The following ESR2 variants were observed in gnomAD, a reference collection of about 807,000 sequenced individuals.
ESR2 encodes the protein estrogen receptor beta.
Under a neutral mutation model 49.6 loss-of-function variants are expected in ESR2, and 36 were observed. That is an observed-to-expected ratio of 0.73 (90% CI 0.56 to 0.96). The LOEUF (loss-of-function observed/expected upper bound fraction) is 0.96, where lower values mean the gene tolerates loss of function less well. Ranked by LOEUF, ESR2 falls within the 40% of genes least tolerant of loss-of-function variation. ESR2 has a pLI of 0.00. For missense variants in ESR2, 714 were observed against 693.0 expected, an observed-to-expected ratio of 1.03 and a Z score of -0.34; for synonymous variants, 320 against 266.1, an observed-to-expected ratio of 1.20 and a Z score of -1.97.
At chr14:64,313,151 A>G (rs1395100310) in intron 1 of ESR2, among the ~76,000 whole-genome samples, 3 of 152,186 alleles carry the variant, frequency 2.0e-5, no homozygotes, top group Non-Finnish European at 4.4e-5. Flanking sequence ...ATAATAACAA[A>G]AGGATCAATC....
downstream of ESR2, chr14:64,227,587 G>C: frequency 1.2e-6 from 2 of 1,614,204 alleles, no homozygotes; most frequent in Non-Finnish European, 1.7e-6. Flanking sequence ...TTCCAAATGA[G>C]GTGAGTGTTT....
At chr14:64,236,275 T>G (rs1013772700) in intron 7 of ESR2, among the ~76,000 whole-genome samples, 3 of 152,158 alleles carry the variant, frequency 2.0e-5, no homozygotes, top group African/African-American at 7.2e-5. Flanking sequence ...ATTTAAAATA[T>G]TCATCTTTTC....
intron 2 of ESR2, among the ~76,000 whole-genome samples, chr14:64,281,145 G>C (rs1342061968): frequency 6.6e-6 from 1 of 152,116 alleles, no homozygotes; most frequent in African/African-American, 2.4e-5. Flanking sequence ...AGAAGAGAGA[G>C]AACAAGCAAG....
At chr14:64,263,289 AATT>A (rs886339682) in intron 4 of ESR2, among the ~76,000 whole-genome samples, 1 of 152,186 alleles carries the variant, frequency 6.6e-6, no homozygotes, top group Non-Finnish European at 1.5e-5. Context: ...TTAAGGCAAA[AATT>A]ATTATTATAG....
At chr14:64,284,145 T>C (rs1415726571) in intron 1 of ESR2, among the ~76,000 whole-genome samples, 1 of 152,094 alleles carries the variant, frequency 6.6e-6, no homozygotes. Flanking sequence ...GCCAGGCTGG[T>C]CTCAAACTCC....
chr14:64,298,943 A>T (rs1422798507), upstream of ESR2, among the ~76,000 whole-genome samples: 1 of 151,960 alleles, frequency 6.6e-6, no homozygotes, highest in Non-Finnish European at 1.5e-5. Flanking sequence ...GAGCTAGAAG[A>T]GAAACTAGCC....
Position 64,231,738 on chromosome 14 carries a change from A to G in ESR2, c.*1399T>C, listed in dbSNP as rs1025859855. On this transcript the variant is annotated 3_prime_UTR_variant, in exon 9 of 9. Transcript: ENST00000341099. ...GGTAATTGTTTAAAACGTTACTGCA[A>G]TAATGAAACATGATTATTTAATTGC... 5.9e-5 allele frequency: 9 copies of G among 152,224 alleles called. No individual in the cohort carries two copies. Among genetic ancestry groups the G allele is most frequent in the East Asian group, 1.9e-4 (1 of 5,202 alleles). 9.4% of individuals were successfully genotyped at this position (152,224 alleles called of 1,614,324 possible). A position where few individuals can be genotyped will look rare whatever the true frequency, so the allele number is the denominator to read the frequency against.
chr14:64,325,006 T>G (rs1267908118), intron 1 of ESR2, among the ~76,000 whole-genome samples: 1 of 152,180 alleles, frequency 6.6e-6, no homozygotes, highest in East Asian at 1.9e-4. Context: ...CCACTGTTGA[T>G]GGAGTGGAAT....
At chr14:64,283,144 T>C (rs2076715703) in intron 1 of ESR2, 69 bp from the exon 2 acceptor site, 2 of 607,678 alleles carry the variant, frequency 3.3e-6, no homozygotes, top group Non-Finnish European at 5.4e-6. Context: ...TTTAAATATT[T>C]TCATTAAAAA....
rs577322907 is a variant in ESR2, at chr14:64,234,810, C to G, written c.1406+160G>C. On this transcript the variant is annotated intron_variant, in intron 8 of 8. Coordinates refer to ENST00000341099, the MANE Select transcript of ESR2 (RefSeq NM_001437.3). Reference sequence around the variant, plus strand: ...ACATTCCTTCCATGCCCACTCTGTGCCCATCTTTGCTTACAGGTGTGTGAA... The same window carrying G: ...ACATTCCTTCCATGCCCACTCTGTGGCCATCTTTGCTTACAGGTGTGTGAA... 20 of 1,410,478 alleles carry G rather than the reference C, an allele frequency of 1.4e-5. 1 individual carries two copies. The African/African-American group carries it at 1.4e-4, about 10-fold the overall frequency. 87.4% of individuals were successfully genotyped at this position (1,410,478 alleles called of 1,614,324 possible).
In ESR2 at chr14:64,250,269, G is replaced by A. The variant is rs141220538; in HGVS notation, c.1092-590C>T. ...GAAAGAAATCGCAATTAGAGAAGAT[G>A]GATTAGAATCAGGAAAAGAAGGTAT... On this transcript the variant is annotated intron_variant, in intron 6 of 8. Transcript: ENST00000341099. 3.3e-5 allele frequency among the ~76,000 whole-genome samples: 5 copies of A among 152,256 alleles called. No homozygotes were observed. The East Asian group carries it at 9.6e-4, about 29-fold the overall frequency.
chr14:64,279,890 C>T, intron 3 of ESR2, 91 bp downstream of exon 3: 2 of 1,014,176 alleles, frequency 2.0e-6, no homozygotes, highest in South Asian at 1.4e-5. Context: ...GCCAAACAGG[C>T]CAGTAGTGAC....
At chr14:64,240,706 A>G (rs2075703036) in intron 7 of ESR2, among the ~76,000 whole-genome samples, 1 of 152,162 alleles carries the variant, frequency 6.6e-6, no homozygotes, top group South Asian at 2.1e-4. Context: ...ACATACAACC[A>G]TTGTGTTTTT....
chr14:64,324,420 T>C (rs1187505333), intron 1 of ESR2, among the ~76,000 whole-genome samples: 1 of 152,222 alleles, frequency 6.6e-6, no homozygotes, highest in African/African-American at 2.4e-5. Flanking sequence ...ATCAGCTTTC[T>C]ACACCAAATA....
chr14:64,257,177 C>G, intron 6 of ESR2, 49 bp downstream of exon 6: 1 of 1,573,580 alleles, frequency 6.4e-7, no homozygotes, highest in Non-Finnish European at 8.7e-7. Context: ...ACTCACTAAG[C>G]ACCTTACTCA....
chr14:64,269,891 A>T (rs1426015944), intron 3 of ESR2, among the ~76,000 whole-genome samples: 2 of 152,250 alleles, frequency 1.3e-5, no homozygotes, highest in African/African-American at 4.8e-5. Context: ...AACCAATCAG[A>T]GGCAGCAAAA....
At chr14:64,241,182 C>CT (rs1448055453) in intron 7 of ESR2, among the ~76,000 whole-genome samples, 1 of 146,842 alleles carries the variant, frequency 6.8e-6, no homozygotes. Context: ...ATAGGCTAGG[C>CT]TAAGCTATGA....
rs529784859 is a variant in ESR2 at position 64,313,617 on chromosome 14, C to T, written c.-91+24281G>A. 5.3e-5 allele frequency among the ~76,000 whole-genome samples: 8 copies of T among 150,662 alleles called. No individual in the cohort carries two copies. The East Asian group carries it at 7.8e-4, about 15-fold the overall frequency. On this transcript the variant is annotated intron_variant, in intron 1 of 8. Transcript: ENST00000358599. ...GAAAAAAGAAAGAAGAGGCCAGGCGCGGTGGCTCACGCCTGTAATCCCAAC... is the reference window on the plus strand; with the variant it reads ...GAAAAAAGAAAGAAGAGGCCAGGCGTGGTGGCTCACGCCTGTAATCCCAAC...
chr14:64,285,096 G>A (rs1360759423), intron 1 of ESR2, among the ~76,000 whole-genome samples: 2 of 151,992 alleles, frequency 1.3e-5, no homozygotes, highest in Non-Finnish European at 2.9e-5. Flanking sequence ...TGATTTGCCC[G>A]CCTCGGCCTC....
Sources: gnomAD v4.1 joint callset for allele counts (sites outside exome capture counted in the v4.1 genomes callset) on GRCh38, gnomAD v4.1.1 for gene constraint, MANE v1.5 for transcripts, NCBI Gene and HGNC (gene_info 2026-07-23, HGNC 2026-07-21) for gene names.